Variants in CTIF observed in about 807,000 individuals in gnomAD.
CTIF encodes cap binding complex dependent translation initiation factor.
Under a neutral mutation model 66.0 loss-of-function variants are expected in CTIF, and 21 were observed. The ratio of observed to expected loss-of-function variants is 0.32; its 90% confidence interval spans 0.23 to 0.46. The LOEUF (loss-of-function observed/expected upper bound fraction) is 0.46, where lower values mean the gene tolerates loss of function less well. Among genes scored for constraint, CTIF ranks in the 20% least tolerant of loss-of-function variants. The pLI, the probability that CTIF is intolerant of heterozygous loss-of-function variation, is 1.00. For missense variants in CTIF, 739 were observed against 812.7 expected (o/e 0.91, Z 1.10); for synonymous variants, 345 against 326.4 (o/e 1.06, Z -0.62).
chr18:48,708,824 G>A (rs570588655), intron 6 of CTIF, among the ~76,000 whole-genome samples: 4 of 152,144 alleles, frequency 2.6e-5, no homozygotes, highest in Non-Finnish European at 5.9e-5. Context: ...TCCTTCCATG[G>A]CCTGAGCTTC....
intron 1 of CTIF, among the ~76,000 whole-genome samples, chr18:48,574,577 C>T (rs1331991247): frequency 2.6e-5 from 4 of 152,136 alleles, no homozygotes; most frequent in South Asian, 2.1e-4. Flanking sequence ...TTCTTCTCTG[C>T]GTGGTGTCTG....
chr18:48,762,421 A>G (rs1909096584), intron 9 of CTIF, among the ~76,000 whole-genome samples: 1 of 152,238 alleles, frequency 6.6e-6, no homozygotes, highest in Admixed American at 6.5e-5. Context: ...CTGTATGGGC[A>G]GTAGCAGATG....
At chr18:48,733,172 C>T (rs1322502274) in intron 7 of CTIF, among the ~76,000 whole-genome samples, 1 of 151,882 alleles carries the variant, frequency 6.6e-6, no homozygotes, top group Non-Finnish European at 1.5e-5. Context: ...GGCACTCGGA[C>T]ACCTCTGTCA....
chr18:48,805,016 C>G (rs941414256), intron 9 of CTIF, among the ~76,000 whole-genome samples: 3 of 152,222 alleles, frequency 2.0e-5, no homozygotes, highest in Non-Finnish European at 4.4e-5. Context: ...GGTGGCTTAA[C>G]ATTGCTAAAT....
chr18:48,756,835 C>T (rs770330072), intron 7 of CTIF, among the ~76,000 whole-genome samples: 41 of 152,366 alleles, frequency 2.7e-4, no homozygotes, highest in Non-Finnish European at 4.3e-4. Flanking sequence ...CAACTCACAC[C>T]TGTTCCCTGT....
chr18:48,646,178 C>T (rs1470801088), intron 3 of CTIF, among the ~76,000 whole-genome samples: 1 of 151,766 alleles, frequency 6.6e-6, no homozygotes, highest in Non-Finnish European at 1.5e-5. Flanking sequence ...ACAAACGGCT[C>T]GTATTTAGAA....
intron 9 of CTIF, among the ~76,000 whole-genome samples, chr18:48,789,166 G>C (rs986811368): frequency 3.9e-5 from 6 of 152,174 alleles, no homozygotes; most frequent in Non-Finnish European, 8.8e-5. Context: ...CCAAATCACA[G>C]AGAAGCCTCA....
chr18:48,616,869 A>C (rs1439788623), intron 1 of CTIF, among the ~76,000 whole-genome samples: 1 of 152,254 alleles, frequency 6.6e-6, no homozygotes, highest in Admixed American at 6.5e-5. Context: ...AAATGCTTCC[A>C]GGTGACAGGT....
chr18:48,678,503 G>C (rs1245376989), intron 6 of CTIF, among the ~76,000 whole-genome samples: 1 of 151,908 alleles, frequency 6.6e-6, no homozygotes, highest in Admixed American at 6.5e-5. Context: ...GTGGTTTCCT[G>C]TCTGAGACCT....
intron 7 of CTIF, among the ~76,000 whole-genome samples, chr18:48,741,803 T>A (rs570136256): frequency 1.3e-5 from 2 of 152,164 alleles, no homozygotes; most frequent in South Asian, 4.1e-4. Context: ...AGCCTCCCAC[T>A]CTGCTGTCCT....
intron 1 of CTIF, among the ~76,000 whole-genome samples, chr18:48,585,323 T>G (rs181178443): frequency 2.0e-3 from 305 of 152,340 alleles, no homozygotes; most frequent in African/African-American, 6.9e-3. Context: ...CGACAAAACA[T>G]TCACCTTTTA....
intron 1 of CTIF, among the ~76,000 whole-genome samples, chr18:48,551,499 G>A (rs138800786): frequency 7.9e-4 from 120 of 152,240 alleles, no homozygotes; most frequent in Non-Finnish European, 1.2e-3. Flanking sequence ...CTCTGTTATG[G>A]CAGCCATGGA....
intron 1 of CTIF, among the ~76,000 whole-genome samples, chr18:48,588,757 G>A (rs983108520): frequency 7.9e-5 from 12 of 152,196 alleles, no homozygotes; most frequent in African/African-American, 2.9e-4. Flanking sequence ...CCGCTGTCCT[G>A]TGGCGGGCTC....
At chr18:48,566,321 G>T (rs954351000) in intron 1 of CTIF, 2 of 152,306 alleles carry the variant, frequency 1.3e-5, no homozygotes, top group East Asian at 1.9e-4. Flanking sequence ...GTGCAGTGGC[G>T]ATCAGGGCAG....
intron 2 of CTIF, among the ~76,000 whole-genome samples, chr18:48,634,715 G>T (rs372648312): frequency 2.2e-4 from 34 of 152,290 alleles, no homozygotes; most frequent in African/African-American, 7.7e-4. Flanking sequence ...ATTGTGGTCC[G>T]CAGGGGTCAG....
intron 7 of CTIF, among the ~76,000 whole-genome samples, chr18:48,744,228 C>T (rs759834082): frequency 1.3e-5 from 2 of 152,170 alleles, no homozygotes; most frequent in East Asian, 1.9e-4. Context: ...CGCCATCCTA[C>T]GGTGAGGGGT....
chr18:48,748,078 A>G (rs375053919), intron 7 of CTIF, among the ~76,000 whole-genome samples: 3 of 152,018 alleles, frequency 2.0e-5, no homozygotes, highest in East Asian at 3.9e-4. Flanking sequence ...AAAATGCCCA[A>G]TCCTTTGCAT....
intron 1 of CTIF, among the ~76,000 whole-genome samples, chr18:48,579,524 T>C (rs551058665): frequency 6.6e-6 from 1 of 152,338 alleles, no homozygotes; most frequent in South Asian, 2.1e-4. Flanking sequence ...GAATTGCCTT[T>C]TGTTTTTCTT....
At chr18:48,584,382 G>A (rs1247811995) in intron 1 of CTIF, among the ~76,000 whole-genome samples, 1 of 152,178 alleles carries the variant, frequency 6.6e-6, no homozygotes, top group Non-Finnish European at 1.5e-5. Context: ...TATTACTACT[G>A]GAGGTCAGGA....
Sources: gnomAD v4.1 joint callset for allele counts (sites outside exome capture counted in the v4.1 genomes callset) on GRCh38, gnomAD v4.1.1 for gene constraint, MANE v1.5 for transcripts, NCBI Gene and HGNC (gene_info 2026-07-23, HGNC 2026-07-21) for gene names.